RARS2: variants seen among roughly 807,000 people sequenced by gnomAD.
RARS2 encodes probable arginine--tRNA ligase, mitochondrial.
RARS2 carries 67 observed loss-of-function variants against 88.5 expected under a neutral mutation model. The ratio of observed to expected loss-of-function variants is 0.76; its 90% confidence interval spans 0.62 to 0.93. The LOEUF is 0.93. Among genes scored for constraint, RARS2 ranks in the 40% least tolerant of loss-of-function variants. RARS2 has a pLI of 0.00. For missense variants in RARS2, 664 were observed against 684.2 expected, an observed-to-expected ratio of 0.97 and a Z score of 0.33; for synonymous variants, 239 against 230.3, an observed-to-expected ratio of 1.04 and a Z score of -0.34.
chr6:87,567,671 G>A (rs1768326835), intron 2 of RARS2, among the ~76,000 whole-genome samples: 1 of 152,208 alleles, frequency 6.6e-6, no homozygotes, highest in Admixed American at 6.5e-5. Context: ...AATTTATTAT[G>A]GCAAAGCACT....
At chr6:87,536,655 GAAAA>G (rs901967185) in intron 8 of RARS2, among the ~76,000 whole-genome samples, 1 of 146,880 alleles carries the variant, frequency 6.8e-6, no homozygotes, top group Non-Finnish European at 1.5e-5. Context: ...AAAAAAGAAA[GAAAA>G]AAAAAGAAAT....
rs760917389 is a variant in RARS2 at position 87,530,934 on chromosome 6, T to C, written c.621A>G (p.Val207=). 37 of 1,613,996 alleles carry C rather than the reference T, an allele frequency of 2.3e-5. No homozygotes were observed. The highest frequency in any genetic ancestry group is 1.6e-4 in the Middle Eastern group (1 of 6,082). The change falls in exon 9 of 20, where the codon GTA becomes GTG. Residue 207 remains valine, a synonymous_variant. Coordinates refer to ENST00000369536, the MANE Select transcript of RARS2 (RefSeq NM_020320.5). ...NPLQHLFEVY[V]QVNKEAADDK... ...CATCTGCTGCTTCTTTATTAACTTGTACATAAACCTAAAAGTACAATAGTA... is the reference window on the plus strand; with the variant it reads ...CATCTGCTGCTTCTTTATTAACTTGCACATAAACCTAAAAGTACAATAGTA...
At chr6:87,547,741 G>A (rs1219788745) in intron 6 of RARS2, among the ~76,000 whole-genome samples, 6 of 151,776 alleles carry the variant, frequency 4.0e-5, no homozygotes, top group African/African-American at 1.5e-4. Flanking sequence ...CCGGGTTCAA[G>A]CGATTCTCCC....
intron 17 of RARS2, 57 bp from the exon 18 acceptor site, chr6:87,516,937 T>C: frequency 1.9e-6 from 3 of 1,605,090 alleles, no homozygotes; most frequent in Non-Finnish European, 2.6e-6. Context: ...CACTAAGACA[T>C]TAGACATTAA....
intron 12 of RARS2, 38 bp from the exon 13 acceptor site, chr6:87,520,294 A>T: frequency 2.1e-6 from 3 of 1,443,558 alleles, no homozygotes; most frequent in Non-Finnish European, 2.9e-6. Flanking sequence ...AAGAATACTG[A>T]CAAATTAATG....
intron 1 of RARS2, among the ~76,000 whole-genome samples, chr6:87,570,609 G>A (rs1262831587): frequency 6.6e-6 from 1 of 151,604 alleles, no homozygotes; most frequent in Non-Finnish European, 1.5e-5. Flanking sequence ...TAGTAGAGAC[G>A]GGGCCTTGCC....
chr6:87,559,463 C>CAAAAA (rs753856335), intron 4 of RARS2, among the ~76,000 whole-genome samples: 1 of 93,298 alleles, frequency 1.1e-5, no homozygotes. Context: ...AACTCTGTCT[C>CAAAAA]AAAAAAAAAA....
At chr6:87,560,896 A>T (rs1787658901) in intron 4 of RARS2, among the ~76,000 whole-genome samples, 2 of 152,224 alleles carry the variant, frequency 1.3e-5, no homozygotes, top group African/African-American at 2.4e-5. Context: ...CTCAAAAAAA[A>T]CCATGCAAAT....
intron 1 of RARS2, among the ~76,000 whole-genome samples, chr6:87,577,367 A>AT (rs1771887733): frequency 1.3e-5 from 2 of 151,812 alleles, no homozygotes; most frequent in Non-Finnish European, 2.9e-5. Flanking sequence ...AATTTTTTGT[A>AT]TTTTTTTGTG....
chr6:87,555,208 G>T (rs1785496844), intron 5 of RARS2, among the ~76,000 whole-genome samples, 200 bp downstream of exon 5: 1 of 151,822 alleles, frequency 6.6e-6, no homozygotes, highest in Admixed American at 6.6e-5. Context: ...ATAATTATTA[G>T]ACATTTTTGG....
intron 1 of RARS2, among the ~76,000 whole-genome samples, chr6:87,571,016 C>G (rs1002689429): frequency 2.0e-5 from 3 of 152,176 alleles, no homozygotes; most frequent in Non-Finnish European, 4.4e-5. Context: ...GATGTGAACA[C>G]AGGCTATCTA....
Position 87,549,112 on chromosome 6 carries a change from T to C in RARS2, c.396-466A>G, listed in dbSNP as rs548471553. ...GCTCACTCCTGTAATCCCAGCACTT[T>C]GGGAGGCCGAGGCAGATGGATCACT... On this transcript the variant is annotated intron_variant, in intron 5 of 19. Transcript: ENST00000369536. 2.8e-4 allele frequency among the ~76,000 whole-genome samples: 42 copies of C among 152,182 alleles called. No homozygotes were observed. In the East Asian group the frequency reaches 7.0e-3, roughly 25 times the overall value.
At chr6:87,520,687 C>T (rs1175074562) in intron 12 of RARS2, among the ~76,000 whole-genome samples, 1 of 152,206 alleles carries the variant, frequency 6.6e-6, no homozygotes, top group Admixed American at 6.5e-5. Context: ...CAACTACTGA[C>T]ACACAGGACA....
At chr6:87,566,392 T>C (rs535057985) in intron 2 of RARS2, among the ~76,000 whole-genome samples, 34 of 152,328 alleles carry the variant, frequency 2.2e-4, no homozygotes, top group Non-Finnish European at 4.3e-4. Context: ...TAGTAGACTA[T>C]TGGGGGCTTT....
chr6:87,565,494 G>C (rs1582738282), intron 2 of RARS2, among the ~76,000 whole-genome samples: 1 of 152,174 alleles, frequency 6.6e-6, no homozygotes, highest in South Asian at 2.1e-4. Flanking sequence ...AGGGAATGCA[G>C]TCAAACAAAT....
intron 1 of RARS2, among the ~76,000 whole-genome samples, chr6:87,583,408 G>A (rs751082598): frequency 3.9e-5 from 6 of 152,148 alleles, no homozygotes; most frequent in East Asian, 1.9e-4. Context: ...TGACCAAAAT[G>A]GAGAAACCCC....
intron 5 of RARS2, among the ~76,000 whole-genome samples, chr6:87,555,189 A>T (rs1484771192): frequency 2.0e-5 from 3 of 151,960 alleles, no homozygotes; most frequent in Admixed American, 6.6e-5. Context: ...GTTAATACTT[A>T]AAAAAATAAT....
chr6:87,589,798 G>T (rs1390356383), intron 1 of RARS2, 124 bp downstream of exon 1: 2 of 1,604,708 alleles, frequency 1.2e-6, no homozygotes, highest in African/African-American at 2.7e-5. Flanking sequence ...GGAGGAGGTG[G>T]TAGAAACTAA....
chr6:87,589,823 AC>A (rs1432708908), intron 1 of RARS2, 98 bp downstream of exon 1: 1 of 1,612,956 alleles, frequency 6.2e-7, no homozygotes, highest in Non-Finnish European at 8.5e-7. Context: ...ATTCCGTGGG[AC>A]CCACCCTCCA....
Sources: gnomAD v4.1 joint callset for allele counts (sites outside exome capture counted in the v4.1 genomes callset) on GRCh38, gnomAD v4.1.1 for gene constraint, MANE v1.5 for transcripts, NCBI Gene and HGNC (gene_info 2026-07-23, HGNC 2026-07-21) for gene names.